The following DOCK8 variants were observed in gnomAD, a reference collection of about 807,000 sequenced individuals.
DOCK8 encodes the protein dedicator of cytokinesis protein 8.
DOCK8 carries 141 observed loss-of-function variants against 245.6 expected under a neutral mutation model. The ratio of observed to expected loss-of-function variants is 0.57; its 90% confidence interval spans 0.50 to 0.66. The LOEUF is 0.66. Ranked by LOEUF, DOCK8 falls within the 30% of genes least tolerant of loss-of-function variation. The pLI, the probability that DOCK8 is intolerant of heterozygous loss-of-function variation, is 0.00. For missense variants in DOCK8, 2,965 were observed against 2,603.4 expected, an observed-to-expected ratio of 1.14 and a Z score of -3.02; for synonymous variants, 1,168 against 970.2, an observed-to-expected ratio of 1.20 and a Z score of -3.79.
chr9:223,060 C>T (rs568979180), intron 1 of DOCK8, among the ~76,000 whole-genome samples: 1 of 151,928 alleles, frequency 6.6e-6, no homozygotes, highest in Admixed American at 6.6e-5. Flanking sequence ...TCCTTTTCCT[C>T]TAGAATTGGT....
intron 14 of DOCK8, among the ~76,000 whole-genome samples, chr9:346,260 A>G (rs990367483): frequency 2.6e-5 from 4 of 152,200 alleles, no homozygotes; most frequent in African/African-American, 9.6e-5. Flanking sequence ...GCCTAGGAAC[A>G]CATTTGCACC....
At chr9:382,786 A>G in intron 22 of DOCK8, 101 bp downstream of exon 22, 2 of 1,466,154 alleles carry the variant, frequency 1.4e-6, no homozygotes, top group Admixed American at 2.0e-5. Flanking sequence ...GCTGCCCACC[A>G]TGCTGGTCGG....
chr9:443,628 T>C, intron 43 of DOCK8, 112 bp downstream of exon 43: 1 of 824,788 alleles, frequency 1.2e-6, no homozygotes, highest in Non-Finnish European at 2.0e-6. Context: ...TTAAATGCAG[T>C]CAAACCTTTT....
upstream of DOCK8, chr9:213,813 C>A (rs1000590288): frequency 6.6e-6 from 1 of 151,330 alleles, no homozygotes; most frequent in Admixed American, 6.6e-5. Flanking sequence ...ACTGCAAGCT[C>A]CGCCTCCCGG....
rs144153673 is a variant in DOCK8, at chr9:430,512, G to A, written c.4626+658G>A. ...GCCTGGCCAACATGGTGAAACCCCC[G>A]TCTCTACAATACAAAAAATTAGCCG... On this transcript the variant is annotated intron_variant, in intron 36 of 47. Coordinates refer to ENST00000432829, the MANE Select transcript of DOCK8 (RefSeq NM_203447.4). Among the ~76,000 whole-genome samples, 370 of 151,884 alleles carry A rather than the reference G, an allele frequency of 2.4e-3. 6 individuals carry two copies. The highest frequency in any genetic ancestry group is 8.8e-3 in the African/African-American group (364 of 41,412).
At chr9:311,010 G>A (rs2050083708) in intron 5 of DOCK8, among the ~76,000 whole-genome samples, 1 of 152,114 alleles carries the variant, frequency 6.6e-6, no homozygotes, top group Admixed American at 6.6e-5. Context: ...ATGGGGCCGG[G>A]CGCAGTGGCT....
rs767011914 is a variant in DOCK8 at position 382,658 on chromosome 9, G to T, written c.2751G>T (p.Glu917Asp). The change falls in exon 22 of 48, where the codon GAG becomes GAT. Residue 917 changes from glutamate (E) to aspartate (D), a missense_variant. Physicochemically the swap from Glu to Asp is conservative, Grantham distance 45. This residue lies in a region of DOCK8 where 2,825 missense variants were observed against 2,453.5 expected (regional missense o/e 1.15). Transcript: ENST00000432829. ...CGGGGACACACTCCGCAGCAGACGAGGAAGTGAAGAACATCATGTCTTCAA... is the reference window on the plus strand; with the variant it reads ...CGGGGACACACTCCGCAGCAGACGATGAAGTGAAGAACATCATGTCTTCAA... ...DLAGTHSAAD[E>D]EVKNIMSSKI... is the part of the protein sequence containing the mutation. 3.5e-5 allele frequency: 56 copies of T among 1,614,064 alleles called. No individual in the cohort carries two copies. Among genetic ancestry groups the T allele is most frequent in the Non-Finnish European group, 4.6e-5 (54 of 1,180,042 alleles).
chr9:387,953 C>A (rs191827879), intron 23 of DOCK8, among the ~76,000 whole-genome samples: 8 of 152,164 alleles, frequency 5.3e-5, no homozygotes. Context: ...CAATATGTTT[C>A]CTTAATACCT....
intron 16 of DOCK8, among the ~76,000 whole-genome samples, chr9:371,170 G>GT (rs149107240): frequency 3.3e-5 from 5 of 151,416 alleles, no homozygotes; most frequent in African/African-American, 4.9e-5. Flanking sequence ...GTGTGGGGGA[G>GT]TTGTTTTTTG....
chr9:430,680 AAAG>A lies in DOCK8; in HGVS notation c.4626+829_4626+831del, dbSNP rs575905535. Among the ~76,000 whole-genome samples, 574 of 151,726 alleles carry A rather than the reference AAAG, an allele frequency of 3.8e-3. 1 individual carries two copies. Among genetic ancestry groups the A allele is most frequent in the African/African-American group, 0.013 (548 of 41,412 alleles). On this transcript the variant is annotated intron_variant, in intron 36 of 47. Transcript: ENST00000432829. ...CTGAGACCCTGTCTCAAAAAAAAAA[AAAG>A]AAAGAAAGAAATGGAAGAGTATTTT...
chr9:330,000 G>C (rs917534960), intron 9 of DOCK8, among the ~76,000 whole-genome samples: 3 of 152,096 alleles, frequency 2.0e-5, no homozygotes, highest in Admixed American at 6.6e-5. Context: ...TAAATATATA[G>C]TAAATGGTGT....
intron 27 of DOCK8, among the ~76,000 whole-genome samples, chr9:406,065 A>G (rs1443839687): frequency 6.6e-6 from 1 of 152,196 alleles, no homozygotes; most frequent in Non-Finnish European, 1.5e-5. Context: ...TCTTAATGAA[A>G]TATAAAGTGT....
intron 14 of DOCK8, among the ~76,000 whole-genome samples, chr9:356,255 G>T (rs2026641): frequency 0.58 from 88,213 of 151,990 alleles, 26,546 homozygotes; most frequent in East Asian, 0.81. Context: ...TTGGCTGGGC[G>T]TGGTGGCTCA....
intron 39 of DOCK8, among the ~76,000 whole-genome samples, chr9:438,578 G>T (rs75660959): frequency 6.6e-6 from 1 of 152,160 alleles, no homozygotes; most frequent in Non-Finnish European, 1.5e-5. Flanking sequence ...CCCTAAAAGC[G>T]AGTACCTCTC....
rs376049301 is a variant in DOCK8, at chr9:434,872, C to T, written c.4976C>T (p.Thr1659Met). 5.3e-5 allele frequency: 85 copies of T among 1,613,934 alleles called. No individual in the cohort carries two copies. Among genetic ancestry groups the T allele is most frequent in the East Asian group, 2.9e-4 (13 of 44,878 alleles). The stretch of plus-strand genomic sequence containing the variant: ...AAACACACCAAGAAGAAGTGCTACA[C>T]GGAGGCTGCCATGTGCCTGGTGCAC... ...AEKHTKKKCY[T>M]EAAMCLVHAA... is the part of the protein sequence containing the mutation. Residue 1659 changes from threonine (T) to methionine (M), a missense_variant, in exon 39 of 48, where the codon ACG (threonine) becomes ATG (methionine). This residue lies in a region of DOCK8 where 2,825 missense variants were observed against 2,453.5 expected (regional missense o/e 1.15). Coordinates refer to ENST00000432829, the MANE Select transcript of DOCK8 (RefSeq NM_203447.4).
At chr9:323,184 G>A (rs992904872) in intron 7 of DOCK8, among the ~76,000 whole-genome samples, 6 of 148,672 alleles carry the variant, frequency 4.0e-5, no homozygotes, top group East Asian at 3.9e-4. Flanking sequence ...TGGGCTTTTC[G>A]GTGGTAAAAT....
chr9:448,974 C>T (rs930055427), intron 44 of DOCK8, among the ~76,000 whole-genome samples: 1 of 152,224 alleles, frequency 6.6e-6, no homozygotes, highest in Non-Finnish European at 1.5e-5. Flanking sequence ...GGAGAAGGCA[C>T]AGGTGATATC....
chr9:360,412 G>C (rs2052670611), intron 14 of DOCK8, among the ~76,000 whole-genome samples: 1 of 151,648 alleles, frequency 6.6e-6, no homozygotes. Context: ...GCATTTTTAA[G>C]ATTTCCCTAA....
intron 2 of DOCK8, chr9:284,367 A>G (rs2048720991): frequency 6.6e-6 from 1 of 151,682 alleles, no homozygotes; most frequent in South Asian, 2.1e-4. Context: ...CTGTTGTTTC[A>G]TTTTCAGAGG....
Sources: gnomAD v4.1 joint callset for allele counts (sites outside exome capture counted in the v4.1 genomes callset) on GRCh38, gnomAD v4.1.1 for gene constraint, gnomAD v4.1.1 regional missense constraint, MANE v1.5 for transcripts, NCBI Gene and HGNC (gene_info 2026-07-23, HGNC 2026-07-21) for gene names.